GLYAT: variants seen among roughly 807,000 people sequenced by gnomAD.
GLYAT encodes glycine N-acyltransferase.
In GLYAT, 25 loss-of-function variants were observed where a neutral mutation model predicts 22.8. That is an observed-to-expected ratio of 1.09 (90% CI 0.80 to 1.53). The LOEUF is 1.53. Ranked by LOEUF, GLYAT falls within the 40% of genes most tolerant of loss-of-function variation. GLYAT has a pLI of 0.00. For missense variants in GLYAT, 411 were observed against 353.9 expected (o/e 1.16, Z -1.29); for synonymous variants, 140 against 122.7 (o/e 1.14, Z -0.93).
intron 2 of GLYAT, 183 bp downstream of exon 2, chr11:58,724,233 T>C (rs186310392): frequency 6.9e-4 from 336 of 483,714 alleles, no homozygotes; most frequent in African/African-American, 4.9e-3. Context: ...TGAGTCTTCA[T>C]TTTCTTAACA....
intron 1 of GLYAT, 130 bp from the exon 2 acceptor site, chr11:58,724,641 A>T: frequency 2.4e-6 from 1 of 424,222 alleles, no homozygotes; most frequent in Non-Finnish European, 4.2e-6. Flanking sequence ...TCCTCAGCAA[A>T]TCCAAGAGAA....
rs754950420 is a variant in GLYAT at position 58,724,489 on chromosome 11, A to G, written c.8T>C (p.Leu3Ser). The G allele has an allele frequency of 1.3e-6, 2 of 1,598,696 alleles. No individual in the cohort carries two copies. Among genetic ancestry groups the G allele is most frequent in the Admixed American group, 3.4e-5 (2 of 59,504 alleles). MM[L>S]PLQGAQMLQM... ...CAGCATCTGGGCACCTTGCAATGGT[A>G]ACATCATGGAGGATACCTTAGCCTA... The change falls in exon 2 of 6, where the codon TTA becomes TCA. Residue 3 changes from leucine (L) to serine (S), a missense_variant. Leu to Ser is a moderately radical substitution (Grantham distance 145). Transcript: ENST00000344743.
Position 58,724,431 on chromosome 11 carries a change from G to A in GLYAT, c.66C>T (p.Leu22=). The A allele has an allele frequency of 6.3e-7, 1 of 1,596,884 alleles. No homozygotes were observed. The highest frequency in any genetic ancestry group is 1.3e-5 in the African/African-American group (1 of 74,576). The change falls in exon 2 of 6, where the codon CTC becomes CTT. Residue 22 remains leucine, a synonymous_variant. Coordinates refer to ENST00000344743, the MANE Select transcript of GLYAT (RefSeq NM_201648.3). The part of the protein sequence containing the change: ...QMLEKSLRKS[L]PASLKVYGTV... ...CCATTATCACCTTTAAGGATGCTGG[G>A]AGGCTCTTCCTCAAGGATTTCTCCA... is the stretch of plus-strand genomic sequence containing the variant.
intron 1 of GLYAT, among the ~76,000 whole-genome samples, chr11:58,728,282 C>T (rs1238662335): frequency 6.6e-6 from 1 of 151,920 alleles, no homozygotes; most frequent in African/African-American, 2.4e-5. Context: ...AGGCTGGTCT[C>T]AAACCCTTGA....
intron 1 of GLYAT, 30 bp downstream of exon 1, chr11:58,731,805 T>C (rs1225949249): frequency 6.6e-6 from 1 of 152,204 alleles, no homozygotes; most frequent in African/African-American, 2.4e-5. Flanking sequence ...GTTCATCCTA[T>C]GTATCTGATA....
At chr11:58,710,887 T>C (rs1856607542) in intron 4 of GLYAT, 126 bp from the exon 5 acceptor site, 5 of 615,316 alleles carry the variant, frequency 8.1e-6, no homozygotes, top group South Asian at 4.3e-5. Context: ...GTGCTACCAC[T>C]GTGTGACCCA....
intron 1 of GLYAT, among the ~76,000 whole-genome samples, chr11:58,724,775 T>C (rs967612579): frequency 6.6e-6 from 1 of 152,136 alleles, no homozygotes; most frequent in African/African-American, 2.4e-5. Flanking sequence ...TAAATACACA[T>C]AATATCTTTT....
At chr11:58,724,382 C>A (rs572502114) in intron 2 of GLYAT, 34 bp downstream of exon 2, 2 of 1,208,092 alleles carry the variant, frequency 1.7e-6, no homozygotes, top group Non-Finnish European at 2.4e-6. Context: ...TCAAGTTTGT[C>A]TTCTTTACTC....
chr11:58,715,369 C>A lies in GLYAT; in HGVS notation c.136G>T (p.Val46Leu). ...TTAAAATCAGGCCACTTGTCCACCA[C>A]AGCCTTCAGATTGAATGGATTTCCA... ...NHGNPFNLKA[V>L]VDKWPDFNTV... Residue 46 changes from valine to leucine, a missense_variant, in exon 3 of 6, where the codon GTG (valine) becomes TTG (leucine). Coordinates refer to ENST00000344743, the MANE Select transcript of GLYAT (RefSeq NM_201648.3). 1.3e-6 allele frequency: 2 copies of A among 1,597,936 alleles called. No homozygotes were observed. Among genetic ancestry groups the A allele is most frequent in the Middle Eastern group, 1.7e-4 (1 of 5,992 alleles).
At position 58,710,071 on chromosome 11, in the gene GLYAT, A is replaced by G. The variant is rs371787235; in HGVS notation, c.586T>C (p.Phe196Leu). Reference protein sequence around the residue: ...HFGGNERSQRFIERCIQTFPT... With the variant: ...HFGGNERSQRLIERCIQTFPT... ...AAGGTCTGAATGCAGCGCTCAATGA[A>G]TCTCTGGCTCCTCTCATTACCACCA... The change falls in exon 6 of 6, where the codon TTC becomes CTC. Residue 196 changes from phenylalanine to leucine, a missense_variant. Phe to Leu is a conservative substitution (Grantham distance 22). Transcript: ENST00000344743. 5.6e-5 allele frequency: 91 copies of G among 1,613,942 alleles called. No individual in the cohort carries two copies. In the African/African-American group the frequency reaches 5.7e-4, roughly 10 times the overall value.
At chr11:58,723,641 C>G (rs1212745794) in intron 2 of GLYAT, among the ~76,000 whole-genome samples, 2 of 151,948 alleles carry the variant, frequency 1.3e-5, no homozygotes, top group Non-Finnish European at 2.9e-5. Context: ...GAGATACACA[C>G]ACACATATAC....
intron 1 of GLYAT, among the ~76,000 whole-genome samples, chr11:58,726,952 T>C (rs1048617314): frequency 3.3e-5 from 5 of 151,852 alleles, no homozygotes; most frequent in African/African-American, 1.2e-4. Flanking sequence ...AACTTGCTAA[T>C]GGTAAAGGAA....
intron 1 of GLYAT, among the ~76,000 whole-genome samples, chr11:58,729,648 A>C (rs1856851284): frequency 6.6e-6 from 1 of 152,204 alleles, no homozygotes; most frequent in African/African-American, 2.4e-5. Flanking sequence ...ACTTTCCAAA[A>C]GTATAGAGAC....
rs888402146 is a variant in GLYAT at position 58,729,515 on chromosome 11, A to G, written c.-16+2320T>C. ...AATTCTTCTGAGGCAGGATGCTCAT[A>G]TTACTTATTCTTTTATCAGTAATTC... is the stretch of plus-strand genomic sequence containing the variant. On this transcript the variant is annotated intron_variant, in intron 1 of 5. Coordinates refer to ENST00000344743, the MANE Select transcript of GLYAT (RefSeq NM_201648.3). 6.6e-5 allele frequency among the ~76,000 whole-genome samples: 10 copies of G among 152,142 alleles called. No homozygotes were observed. The South Asian group carries it at 8.3e-4, about 13-fold the overall frequency.
At chr11:58,710,204 G>C (rs376369879) in intron 5 of GLYAT, 36 bp from the exon 6 acceptor site, 5 of 1,569,188 alleles carry the variant, frequency 3.2e-6, no homozygotes, top group Non-Finnish European at 4.3e-6. Flanking sequence ...AAATCCATTA[G>C]TATAAAGGTT....
intron 1 of GLYAT, among the ~76,000 whole-genome samples, chr11:58,725,692 G>C (rs7951340): frequency 0.18 from 27,940 of 152,052 alleles, 2,723 homozygotes; most frequent in East Asian, 0.26. Flanking sequence ...GAGCAGGAGG[G>C]AAAAGAAGTA....
intron 2 of GLYAT, among the ~76,000 whole-genome samples, chr11:58,718,765 T>C (rs1191850321): frequency 6.6e-6 from 1 of 151,276 alleles, no homozygotes; most frequent in East Asian, 1.9e-4. Context: ...CTTCTAAAGA[T>C]GACCAAAACA....
At chr11:58,710,212 G>T (rs2509910) in intron 5 of GLYAT, 44 bp from the exon 6 acceptor site, 1 of 1,557,188 alleles carries the variant, frequency 6.4e-7, no homozygotes, top group South Asian at 1.2e-5. Context: ...TAGTATAAAG[G>T]TTTGTATTTG....
At chr11:58,724,745 A>G (rs993006907) in intron 1 of GLYAT, among the ~76,000 whole-genome samples, 4 of 152,092 alleles carry the variant, frequency 2.6e-5, no homozygotes, top group Admixed American at 2.0e-4. Context: ...ATTTCATTTT[A>G]GATTTAAAAA....
Sources: allele counts gnomAD v4.1 joint callset (sites outside exome capture counted in the v4.1 genomes callset), GRCh38; gene constraint gnomAD v4.1.1; transcripts MANE v1.5; gene names NCBI Gene and HGNC (gene_info 2026-07-23, HGNC 2026-07-21).